The following FBXO4 variants were observed in gnomAD, a reference collection of about 807,000 sequenced individuals.
FBXO4 encodes F-box only protein 4.
In FBXO4, 36 loss-of-function variants were observed where a neutral mutation model predicts 43.7. That is an observed-to-expected ratio of 0.82 (90% CI 0.63 to 1.09). The LOEUF (loss-of-function observed/expected upper bound fraction) is 1.09, where lower values mean the gene tolerates loss of function less well. Ranked by LOEUF, FBXO4 falls within the 50% of genes least tolerant of loss-of-function variation. The probability of loss-of-function intolerance (pLI) is 0.00; values close to 1 mark genes in which losing one functional copy is unlikely to be tolerated. For missense variants in FBXO4, 435 were observed against 474.1 expected (o/e 0.92, Z 0.77); for synonymous variants, 180 against 165.6 (o/e 1.09, Z -0.67).
the FBXO4 span, among the ~76,000 whole-genome samples, chr5:41,993,675 G>A: frequency 6.7e-5 from 10 of 149,060 alleles, no homozygotes; most frequent in South Asian, 4.2e-4. Context: ...ATAAAGGGAC[G>A]TTTATTAAGT....
In FBXO4 at chr5:41,927,123, A is replaced by G; in HGVS notation, c.300A>G (p.Arg100=). ...NETVRDPILW[R]YFLLRDLPSW... ...CTGTAAGAGATCCAATTCTGTGGAG[A>G]TACTTTTTGTTGAGGGATCTTCCTT... The change falls in exon 2 of 7, where the codon AGA becomes AGG. Residue 100 remains arginine, a synonymous_variant. Coordinates refer to ENST00000281623, the MANE Select transcript of FBXO4 (RefSeq NM_012176.3). 6.2e-7 allele frequency: 1 copy of G among 1,613,780 alleles called. No individual in the cohort carries two copies. Among genetic ancestry groups the G allele is most frequent in the South Asian group, 1.1e-5 (1 of 91,066 alleles).
the FBXO4 span, among the ~76,000 whole-genome samples, chr5:41,996,430 G>T: frequency 6.6e-6 from 1 of 152,178 alleles, no homozygotes; most frequent in South Asian, 2.1e-4. Context: ...CAAAATCCTA[G>T]AGGCCTCCAC....
chr5:41,985,424 GC>G, the FBXO4 span, among the ~76,000 whole-genome samples: 1 of 152,252 alleles, frequency 6.6e-6, no homozygotes, highest in East Asian at 1.9e-4. Context: ...GGTAAACAAA[GC>G]TAGTAATAGA....
the FBXO4 span, among the ~76,000 whole-genome samples, chr5:42,037,034 C>T: frequency 6.6e-6 from 1 of 152,012 alleles, no homozygotes; most frequent in Non-Finnish European, 1.5e-5. Context: ...GGAGCGCTCT[C>T]CAGCACTTGG....
At chr5:41,929,572 G>A in intron 2 of FBXO4, 125 bp from the exon 3 acceptor site, 1 of 685,930 alleles carries the variant, frequency 1.5e-6, no homozygotes, top group Non-Finnish European at 2.4e-6. Flanking sequence ...TGTTCTCCTG[G>A]AGGATTGGGA....
chr5:41,998,655 A>T, the FBXO4 span, among the ~76,000 whole-genome samples: 1 of 152,200 alleles, frequency 6.6e-6, no homozygotes, highest in Non-Finnish European at 1.5e-5. Context: ...CTCCACAATT[A>T]TCCCATACCC....
chr5:42,008,520 C>T, the FBXO4 span, among the ~76,000 whole-genome samples: 1 of 152,084 alleles, frequency 6.6e-6, no homozygotes, highest in South Asian at 2.1e-4. Flanking sequence ...CTAACTGTGA[C>T]CCCTGCTCCT....
At chr5:41,984,960 C>T in the FBXO4 span, among the ~76,000 whole-genome samples, 2 of 152,174 alleles carry the variant, frequency 1.3e-5, no homozygotes, top group Non-Finnish European at 2.9e-5. Context: ...TGATTCTCTC[C>T]AAGTTGGGTT....
the FBXO4 span, among the ~76,000 whole-genome samples, chr5:42,015,365 G>T: frequency 6.6e-6 from 1 of 152,114 alleles, no homozygotes; most frequent in African/African-American, 2.4e-5. Context: ...ATTCTACATG[G>T]AAGTTAATTC....
the FBXO4 span, among the ~76,000 whole-genome samples, chr5:41,964,201 A>C: frequency 6.6e-6 from 1 of 152,186 alleles, no homozygotes; most frequent in East Asian, 1.9e-4. Context: ...AATTACTTTA[A>C]AATATTTCAG....
chr5:42,028,788 TAAAC>T, the FBXO4 span, among the ~76,000 whole-genome samples: 11 of 151,836 alleles, frequency 7.2e-5, no homozygotes, highest in South Asian at 1.2e-3. Flanking sequence ...ATAGTTTGCA[TAAAC>T]AAACAAACAA....
the FBXO4 span, among the ~76,000 whole-genome samples, chr5:42,033,129 T>A: frequency 6.6e-6 from 1 of 152,128 alleles, no homozygotes; most frequent in African/African-American, 2.4e-5. Context: ...TCTCCTCTAC[T>A]TAAGTGGAAG....
At chr5:41,967,076 C>T in the FBXO4 span, 10 of 257,720 alleles carry the variant, frequency 3.9e-5, no homozygotes, top group Non-Finnish European at 6.3e-5. Flanking sequence ...ACGTTTCTCT[C>T]GGCTTGCTTT....
chr5:41,930,337 A>T (rs1751647468), intron 3 of FBXO4, among the ~76,000 whole-genome samples: 1 of 152,234 alleles, frequency 6.6e-6, no homozygotes, highest in Admixed American at 6.5e-5. Context: ...GCAAGGCAGG[A>T]TAAATAGTAA....
downstream of FBXO4, among the ~76,000 whole-genome samples, chr5:41,946,013 A>G (rs895236512): frequency 2.0e-5 from 3 of 152,160 alleles, no homozygotes; most frequent in African/African-American, 7.2e-5. Context: ...TTACAGAATT[A>G]CTTCATCCCC....
At chr5:41,976,313 CAG>C in the FBXO4 span, among the ~76,000 whole-genome samples, 2 of 152,270 alleles carry the variant, frequency 1.3e-5, no homozygotes, top group South Asian at 2.1e-4. Flanking sequence ...TAACTTGTTC[CAG>C]ACTTAACTTA....
chr5:41,951,913 T>C, the FBXO4 span: 3 of 278,252 alleles, frequency 1.1e-5, no homozygotes, highest in Non-Finnish European at 2.1e-5. Context: ...GTAGCTCCAA[T>C]GGCAGCAGTA....
downstream of FBXO4, among the ~76,000 whole-genome samples, chr5:41,941,896 T>C (rs114686769): frequency 8.9e-4 from 136 of 152,268 alleles, no homozygotes; most frequent in African/African-American, 3.2e-3. Flanking sequence ...CGCAAGCTCA[T>C]AAGATACTAA....
chr5:42,024,051 A>G, the FBXO4 span, among the ~76,000 whole-genome samples: 1 of 151,984 alleles, frequency 6.6e-6, no homozygotes, highest in Middle Eastern at 3.2e-3. Flanking sequence ...TTGTAAAACT[A>G]TTTATCTAAA....
Sources: gnomAD v4.1 joint callset for allele counts (sites outside exome capture counted in the v4.1 genomes callset) on GRCh38, gnomAD v4.1.1 for gene constraint, MANE v1.5 for transcripts, NCBI Gene and HGNC (gene_info 2026-07-23, HGNC 2026-07-21) for gene names.